PAM: variants seen among roughly 807,000 people sequenced by gnomAD.
PAM encodes the protein peptidyl-glycine alpha-amidating monooxygenase.
A neutral mutation model predicts 122.1 loss-of-function variants in PAM; 72 were observed. The observed-to-expected ratio is 0.59, with a 90% CI of 0.49 to 0.72. PAM has a LOEUF of 0.72. Among genes scored for constraint, PAM ranks in the 30% least tolerant of loss-of-function variants. The pLI is 0.00. For synonymous variants in PAM, 389 were observed against 404.4 expected, an observed-to-expected ratio of 0.96 and a Z score of 0.46; for missense variants, 1,106 against 1,183.7, an observed-to-expected ratio of 0.93 and a Z score of 0.96.
chr5:102,927,095 A>T (rs1454101330), intron 7 of PAM, among the ~76,000 whole-genome samples: 1 of 151,728 alleles, frequency 6.6e-6, no homozygotes, highest in Non-Finnish European at 1.5e-5. Context: ...ACTCAGGCTC[A>T]TGTCGATTCC....
chr5:102,867,602 A>G (rs560038629), intron 3 of PAM, among the ~76,000 whole-genome samples: 4 of 152,352 alleles, frequency 2.6e-5, no homozygotes, highest in South Asian at 2.1e-4. Flanking sequence ...TTAAAATTTT[A>G]CTTATATTAT....
At chr5:102,883,234 GT>G (rs1423970775) in intron 3 of PAM, among the ~76,000 whole-genome samples, 1 of 151,628 alleles carries the variant, frequency 6.6e-6, no homozygotes, top group African/African-American at 2.4e-5. Flanking sequence ...TTTTAGGATT[GT>G]TTTTTTCTAG....
intron 3 of PAM, among the ~76,000 whole-genome samples, chr5:102,886,467 A>G (rs1793129634): frequency 6.6e-6 from 1 of 151,948 alleles, no homozygotes; most frequent in Non-Finnish European, 1.5e-5. Flanking sequence ...CCAGTCTGCC[A>G]CAACATTTTT....
chr5:102,947,692 A>G (rs1039055537), intron 8 of PAM, among the ~76,000 whole-genome samples: 2 of 152,164 alleles, frequency 1.3e-5, no homozygotes, highest in African/African-American at 4.8e-5. Flanking sequence ...AATGTTAAAA[A>G]TGTTTAAAAA....
At chr5:102,959,505 C>T (rs984627568) in intron 12 of PAM, among the ~76,000 whole-genome samples, 4 of 151,958 alleles carry the variant, frequency 2.6e-5, no homozygotes, top group East Asian at 1.9e-4. Flanking sequence ...AGATTTTCCA[C>T]GAGAACAATA....
intron 23 of PAM, among the ~76,000 whole-genome samples, chr5:103,022,454 A>G (rs1466129550): frequency 6.6e-6 from 1 of 152,080 alleles, no homozygotes; most frequent in African/African-American, 2.4e-5. Context: ...ATTTGTACAT[A>G]CATGTATATG....
At chr5:102,770,488 C>A (rs1033357842) in intron 1 of PAM, among the ~76,000 whole-genome samples, 1 of 152,044 alleles carries the variant, frequency 6.6e-6, no homozygotes, top group South Asian at 2.1e-4. Flanking sequence ...CAGTAAGATA[C>A]TAGCTGTGGG....
intron 9 of PAM, among the ~76,000 whole-genome samples, chr5:102,948,809 A>G (rs1757837814): frequency 6.6e-6 from 1 of 152,138 alleles, no homozygotes; most frequent in South Asian, 2.1e-4. Context: ...TAAAAATTAA[A>G]CGACTAGCAA....
chr5:102,836,317 TTC>T (rs1777015114), intron 1 of PAM, among the ~76,000 whole-genome samples: 1 of 152,218 alleles, frequency 6.6e-6, no homozygotes, highest in Admixed American at 6.5e-5. Flanking sequence ...GCAACTGATG[TTC>T]TGGCTATCAG....
chr5:102,859,337 TGTG>T (rs1406443759), intron 1 of PAM, among the ~76,000 whole-genome samples: 7 of 88,090 alleles, frequency 7.9e-5, no homozygotes, highest in African/African-American at 4.8e-4. Context: ...CCCAGGCTAG[TGTG>T]TGTGTGTGTG....
At chr5:102,810,264 AT>A (rs1179401872) in intron 1 of PAM, among the ~76,000 whole-genome samples, 2 of 152,192 alleles carry the variant, frequency 1.3e-5, no homozygotes, top group Non-Finnish European at 2.9e-5. Context: ...CTTGATTGAT[AT>A]GAGCAGCACT....
intron 14 of PAM, among the ~76,000 whole-genome samples, chr5:102,967,866 G>A (rs1160553727): frequency 1.3e-5 from 2 of 151,892 alleles, no homozygotes; most frequent in Admixed American, 6.6e-5. Flanking sequence ...GGGATTACAG[G>A]TGCCCGCCAC....
At chr5:102,871,353 A>G (rs1034430855) in intron 3 of PAM, among the ~76,000 whole-genome samples, 8 of 152,214 alleles carry the variant, frequency 5.3e-5, no homozygotes, top group Non-Finnish European at 1.0e-4. Context: ...CCTTGACACT[A>G]GAAAGAAATT....
intron 1 of PAM, among the ~76,000 whole-genome samples, chr5:102,758,868 A>C (rs1751460277): frequency 6.6e-6 from 1 of 152,130 alleles, no homozygotes; most frequent in African/African-American, 2.4e-5. Context: ...AGTGGTCCAC[A>C]TTTTAAAAAT....
At chr5:102,898,003 A>G (rs890162666) in intron 3 of PAM, among the ~76,000 whole-genome samples, 5 of 151,658 alleles carry the variant, frequency 3.3e-5, no homozygotes, top group African/African-American at 1.2e-4. Flanking sequence ...AAAGAATGCT[A>G]TGAGAGAACT....
chr5:102,768,198 A>T (rs1264059372), intron 1 of PAM, among the ~76,000 whole-genome samples: 4 of 151,954 alleles, frequency 2.6e-5, no homozygotes, highest in Non-Finnish European at 5.9e-5. Flanking sequence ...AATTTTTCTA[A>T]ATTTTTTTAA....
At chr5:102,780,823 C>CTTTCTT (rs1046534586) in intron 1 of PAM, among the ~76,000 whole-genome samples, 7 of 116,296 alleles carry the variant, frequency 6.0e-5, no homozygotes, top group South Asian at 2.6e-4. Context: ...TTCTTTCTTT[C>CTTTCTT]TTTCTTTCTT....
At chr5:102,847,032 G>C (rs914560432) in intron 1 of PAM, among the ~76,000 whole-genome samples, 5 of 152,182 alleles carry the variant, frequency 3.3e-5, no homozygotes, top group Admixed American at 6.5e-5. Context: ...GGCTGGGAGA[G>C]TGTGGTTAGT....
chr5:102,784,918 C>T (rs959055665), intron 1 of PAM, among the ~76,000 whole-genome samples: 1 of 152,210 alleles, frequency 6.6e-6, no homozygotes, highest in Non-Finnish European at 1.5e-5. Flanking sequence ...TTTTACTAAA[C>T]ACCAGTGATT....
Sources: gnomAD v4.1 joint callset for allele counts (sites outside exome capture counted in the v4.1 genomes callset) on GRCh38, gnomAD v4.1.1 for gene constraint, MANE v1.5 for transcripts, NCBI Gene and HGNC (gene_info 2026-07-23, HGNC 2026-07-21) for gene names.